UGT1A9: variants seen among roughly 807,000 people sequenced by gnomAD.
UGT1A9 encodes UDP glucuronosyltransferase family 1 member A9.
In UGT1A9, 35 loss-of-function variants were observed where a neutral mutation model predicts 45.0. The observed-to-expected ratio is 0.78, with a 90% CI of 0.59 to 1.03. UGT1A9 has a LOEUF of 1.03. UGT1A9 is among the 50% of genes least tolerant of loss of function. The pLI, the probability that UGT1A9 is intolerant of heterozygous loss-of-function variation, is 0.00. For missense variants in UGT1A9, 687 were observed against 666.6 expected, an observed-to-expected ratio of 1.03 and a Z score of -0.34; for synonymous variants, 278 against 250.6, an observed-to-expected ratio of 1.11 and a Z score of -1.03.
At chr2:233,712,956 G>T (rs1351747451) in intron 1 of UGT1A9, 1 of 1,612,860 alleles carries the variant, frequency 6.2e-7, no homozygotes, top group Non-Finnish European at 8.5e-7. Flanking sequence ...GGCACAACGT[G>T]GGGTGGACAG....
rs17863778 is a variant in UGT1A9, at chr2:233,682,328, C to A, written c.855+9539C>A. 1,002,390 of 1,612,746 alleles carry A rather than the reference C, an allele frequency of 0.62. 314,246 individuals are homozygous for A. The highest frequency in any genetic ancestry group is 0.65 in the South Asian group (59,101 of 91,048). On this transcript the variant is annotated intron_variant, in intron 1 of 4. Coordinates refer to ENST00000354728, the MANE Select transcript of UGT1A9 (RefSeq NM_021027.3). ...AAATTGCAGGAGTTTGTTTAATGAC[C>A]GAAAATTAGTAGAATACTTAAAGGA... is the stretch of plus-strand genomic sequence containing the variant.
intron 1 of UGT1A9, among the ~76,000 whole-genome samples, chr2:233,684,263 C>T (rs2074671170): frequency 6.6e-6 from 1 of 152,156 alleles, no homozygotes; most frequent in African/African-American, 2.4e-5. Context: ...AGTTGTAGGC[C>T]TTTCAAATGA....
intron 1 of UGT1A9, among the ~76,000 whole-genome samples, chr2:233,688,387 C>A (rs1220480074): frequency 6.6e-6 from 1 of 152,160 alleles, no homozygotes; most frequent in Non-Finnish European, 1.5e-5. Flanking sequence ...ATACGATAAA[C>A]CCTGATGTTC....
At chr2:233,681,807 G>A (rs1005220949) in intron 1 of UGT1A9, 28 of 1,493,670 alleles carry the variant, frequency 1.9e-5, no homozygotes, top group African/African-American at 2.8e-5. Flanking sequence ...GGCAGTGAAT[G>A]TGAATTTTTT....
intron 1 of UGT1A9, chr2:233,760,836 T>C: frequency 6.2e-7 from 1 of 1,613,700 alleles, no homozygotes; most frequent in Non-Finnish European, 8.5e-7. Flanking sequence ...AATTTGAGGC[T>C]ACCCAGTGCC....
At chr2:233,726,090 G>A (rs962783366) in intron 1 of UGT1A9, among the ~76,000 whole-genome samples, 6 of 152,132 alleles carry the variant, frequency 3.9e-5, no homozygotes, top group African/African-American at 1.4e-4. Context: ...TACTTGATCC[G>A]AGGAGGTGGA....
chr2:233,690,774 C>G, intron 1 of UGT1A9: 1 of 1,062,400 alleles, frequency 9.4e-7, no homozygotes, highest in Non-Finnish European at 1.2e-6. Flanking sequence ...CACACACACA[C>G]ATACACACAC....
At position 233,675,487 on chromosome 2, in the gene UGT1A9, G is replaced by T. The variant is rs185925917; in HGVS notation, c.855+2698G>T. 1.6e-4 allele frequency among the ~76,000 whole-genome samples: 25 copies of T among 152,226 alleles called. No homozygotes were observed. In the East Asian group the frequency reaches 4.6e-3, roughly 28 times the overall value. The stretch of plus-strand genomic sequence containing the variant: ...CATCCATGGCAGGTGCGGCTCTGGG[G>T]GTGGGATATGGTTACAGATAAATAA... On this transcript the variant is annotated intron_variant, in intron 1 of 4. Transcript: ENST00000354728.
chr2:233,688,101 CCTT>C (rs1188929741), intron 1 of UGT1A9, among the ~76,000 whole-genome samples: 2 of 152,190 alleles, frequency 1.3e-5, no homozygotes, highest in Admixed American at 6.5e-5. Context: ...TATTTCTCCC[CCTT>C]CTTCTACCCC....
chr2:233,755,487 G>GT (rs1198715478), intron 1 of UGT1A9: 2 of 206,234 alleles, frequency 9.7e-6, no homozygotes. Flanking sequence ...GTGAGGCCCT[G>GT]TGATGCTCCA....
At chr2:233,725,941 G>A (rs1261379461) in intron 1 of UGT1A9, among the ~76,000 whole-genome samples, 2 of 152,166 alleles carry the variant, frequency 1.3e-5, no homozygotes, top group East Asian at 3.8e-4. Flanking sequence ...TGATGCAGGA[G>A]GATTGTTTGA....
chr2:233,726,069 G>A (rs1424606442), intron 1 of UGT1A9, among the ~76,000 whole-genome samples: 2 of 152,174 alleles, frequency 1.3e-5, no homozygotes, highest in African/African-American at 4.8e-5. Context: ...AGGAGGCTGA[G>A]GCAGGAGGAT....
rs984490888 is a variant in UGT1A9 at position 233,712,882 on chromosome 2, T to C, written c.855+40093T>C. On this transcript the variant is annotated intron_variant, in intron 1 of 4. Coordinates refer to ENST00000354728, the MANE Select transcript of UGT1A9 (RefSeq NM_021027.3). The stretch of plus-strand genomic sequence containing the variant: ...TGGAGGAGGGCACTCTGTCTTCAAT[T>C]ACATGTTGATTTGCTAGGTGTCTCA... 8.8e-6 allele frequency: 14 copies of C among 1,599,650 alleles called. No individual in the cohort carries two copies. In the African/African-American group the frequency reaches 1.9e-4, roughly 21 times the overall value.
rs145504500 is a variant in UGT1A9, at chr2:233,698,674, T to G, written c.855+25885T>G. Among the ~76,000 whole-genome samples the G allele has an allele frequency of 3.6e-3, 549 of 152,314 alleles. 4 individuals carry two copies. Among genetic ancestry groups the G allele is most frequent in the African/African-American group, 0.013 (526 of 41,574 alleles). The stretch of plus-strand genomic sequence containing the variant: ...TTATAGGTAACTATTGGCCCAACTA[T>G]AAAACAAATACATTTCTAAAAAAAA... On this transcript the variant is annotated intron_variant, in intron 1 of 4. Coordinates refer to ENST00000354728, the MANE Select transcript of UGT1A9 (RefSeq NM_021027.3).
At chr2:233,694,020 G>A (rs1390439150) in intron 1 of UGT1A9, among the ~76,000 whole-genome samples, 1 of 152,202 alleles carries the variant, frequency 6.6e-6, no homozygotes, top group African/African-American at 2.4e-5. Context: ...GAACACATAG[G>A]AGACCTGAGG....
At chr2:233,706,387 C>A (rs1481848778) in intron 1 of UGT1A9, among the ~76,000 whole-genome samples, 1 of 152,196 alleles carries the variant, frequency 6.6e-6, no homozygotes, top group Non-Finnish European at 1.5e-5. Flanking sequence ...AAGCAGAGGC[C>A]AAGTACATTT....
intron 1 of UGT1A9, among the ~76,000 whole-genome samples, chr2:233,701,924 A>C (rs2075660838): frequency 6.6e-6 from 1 of 152,202 alleles, no homozygotes; most frequent in African/African-American, 2.4e-5. Flanking sequence ...CTAACATCAC[A>C]ATTAAAAGAA....
chr2:233,767,812 T>G, intron 2 of UGT1A9, 37 bp from the exon 3 acceptor site: 9 of 1,614,150 alleles, frequency 5.6e-6, no homozygotes, highest in Non-Finnish European at 7.6e-6. Flanking sequence ...TCATATTATG[T>G]TCTTTCTTTA....
In UGT1A9 at chr2:233,672,279, C is replaced by T. The variant is rs758969692; in HGVS notation, c.345C>T (p.Asp115=). 7.4e-6 allele frequency: 12 copies of T among 1,613,642 alleles called. No homozygotes were observed. The Admixed American group carries it at 1.3e-4, about 18-fold the overall frequency. ...IYSLLMGSYN[D]IFDLFFSNCR... Reference sequence around the variant, plus strand: ...CTCTATTAATGGGTTCATACAATGACATTTTTGACTTATTTTTTTCAAATT... The same window carrying T: ...CTCTATTAATGGGTTCATACAATGATATTTTTGACTTATTTTTTTCAAATT... Residue 115 remains aspartate (D), a synonymous_variant, in exon 1 of 5, where the codon GAC becomes GAT. Transcript: ENST00000354728.
Sources: allele counts gnomAD v4.1 joint callset (sites outside exome capture counted in the v4.1 genomes callset), GRCh38; gene constraint gnomAD v4.1.1; transcripts MANE v1.5; gene names NCBI Gene and HGNC (gene_info 2026-07-23, HGNC 2026-07-21).